The following ANO4 variants were observed in gnomAD, a reference collection of about 807,000 sequenced individuals.
The protein encoded by ANO4 is anoctamin 4.
A neutral mutation model predicts 141.9 loss-of-function variants in ANO4; 69 were observed. That is an observed-to-expected ratio of 0.49 (90% CI 0.40 to 0.59). ANO4 has a LOEUF of 0.59. ANO4 is among the 20% of genes least tolerant of loss of function. The pLI is 0.00. For missense variants in ANO4, 894 were observed against 1,162.2 expected (o/e 0.77, Z 3.36); for synonymous variants, 350 against 394.3 (o/e 0.89, Z 1.33).
chr12:100,724,934 T>C (rs948807812), intron 1 of ANO4, among the ~76,000 whole-genome samples: 8 of 152,230 alleles, frequency 5.3e-5, no homozygotes, highest in African/African-American at 1.4e-4. Flanking sequence ...TACTAGTCGG[T>C]TCTTTAGAAC....
chr12:101,111,677 G>A lies in ANO4; in HGVS notation c.2417G>A (p.Gly806Glu). 2 of 1,608,524 alleles carry A rather than the reference G, an allele frequency of 1.2e-6. No individual in the cohort carries two copies. The highest frequency in any genetic ancestry group is 1.7e-6 in the Non-Finnish European group (2 of 1,177,840). ...IPRLVYAYKY[G>E]PCAGQGEAGQ... is the part of the protein sequence containing the mutation. The stretch of plus-strand genomic sequence containing the variant: ...CGCTTGGTGTATGCTTATAAGTATG[G>A]ACCTTGTGCAGGCCAAGGAGAAGCT... The change falls in exon 24 of 28, where the codon GGA becomes GAA. Residue 806 changes from glycine to glutamate, a missense_variant. This residue lies in a region of ANO4 where 637 missense variants were observed against 909.2 expected (regional missense o/e 0.70). Coordinates refer to ENST00000392977, the MANE Select transcript of ANO4 (RefSeq NM_001286615.2).
chr12:101,075,988 A>G (rs1273482056), intron 14 of ANO4, among the ~76,000 whole-genome samples: 1 of 152,166 alleles, frequency 6.6e-6, no homozygotes, highest in Non-Finnish European at 1.5e-5. Context: ...TCTTCCTCAA[A>G]TGAATGGGCA....
chr12:100,755,390 CA>C (rs1232705553), intron 3 of ANO4, among the ~76,000 whole-genome samples: 1 of 152,170 alleles, frequency 6.6e-6, no homozygotes, highest in Admixed American at 6.5e-5. Flanking sequence ...GCACCTTATT[CA>C]GATGATTAGC....
intron 1 of ANO4, among the ~76,000 whole-genome samples, chr12:100,796,972 A>G (rs2034366350): frequency 6.6e-6 from 1 of 152,202 alleles, no homozygotes; most frequent in African/African-American, 2.4e-5. Context: ...CACTGCAGGC[A>G]ATTTCAGAAT....
chr12:100,956,304 T>G (rs144984353), intron 5 of ANO4, among the ~76,000 whole-genome samples: 71 of 152,378 alleles, frequency 4.7e-4, no homozygotes, highest in African/African-American at 1.5e-3. Context: ...GTGGTGTTAC[T>G]GCTCACTAGA....
chr12:100,814,383 C>G (rs1418010214), intron 1 of ANO4, among the ~76,000 whole-genome samples: 1 of 151,994 alleles, frequency 6.6e-6, no homozygotes, highest in Non-Finnish European at 1.5e-5. Context: ...CGTGAATGTT[C>G]CTATGTTTTT....
intron 19 of ANO4, among the ~76,000 whole-genome samples, 170 bp downstream of exon 19, chr12:101,096,817 A>G (rs1336557375): frequency 6.6e-6 from 1 of 152,176 alleles, no homozygotes; most frequent in Non-Finnish European, 1.5e-5. Flanking sequence ...CTGGCATCCC[A>G]GGGAAATCAT....
At chr12:100,966,296 C>T (rs956221731) in intron 5 of ANO4, among the ~76,000 whole-genome samples, 14 of 152,120 alleles carry the variant, frequency 9.2e-5, no homozygotes, top group African/African-American at 2.9e-4. Context: ...CCATTTAATA[C>T]GATTCAATAA....
At chr12:100,761,835 T>TCTTC (rs1356913887) in intron 3 of ANO4, among the ~76,000 whole-genome samples, 1 of 152,108 alleles carries the variant, frequency 6.6e-6, no homozygotes, top group Non-Finnish European at 1.5e-5. Flanking sequence ...ACAATTCTAG[T>TCTTC]CTTCTTTCCC....
chr12:100,908,628 C>T (rs890200141), intron 2 of ANO4, among the ~76,000 whole-genome samples: 3 of 152,170 alleles, frequency 2.0e-5, no homozygotes, highest in Admixed American at 6.5e-5. Flanking sequence ...ACAAATGCAT[C>T]ATAGTTCTCT....
At chr12:100,894,713 C>T (rs569540083) in intron 1 of ANO4, among the ~76,000 whole-genome samples, 5 of 152,140 alleles carry the variant, frequency 3.3e-5, no homozygotes, top group Non-Finnish European at 5.9e-5. Context: ...TAGAAAAGCT[C>T]CAGAAAACTT....
intron 14 of ANO4, among the ~76,000 whole-genome samples, chr12:101,055,045 T>C (rs1054915137): frequency 7.2e-5 from 11 of 152,248 alleles, no homozygotes; most frequent in African/African-American, 2.4e-4. Flanking sequence ...GGCTATGTCA[T>C]AATTTGTTCG....
chr12:100,789,903 T>A (rs1204874918), upstream of ANO4, among the ~76,000 whole-genome samples: 1 of 152,138 alleles, frequency 6.6e-6, no homozygotes, highest in African/African-American at 2.4e-5. Flanking sequence ...AGGTACTAAT[T>A]TAGCACAGTG....
chr12:100,749,522 C>G (rs75175864), intron 3 of ANO4, among the ~76,000 whole-genome samples: 2 of 152,150 alleles, frequency 1.3e-5, no homozygotes, highest in Non-Finnish European at 2.9e-5. Context: ...ATTATCGATT[C>G]CAGCGGAGTC....
intron 7 of ANO4, among the ~76,000 whole-genome samples, chr12:100,986,794 G>A (rs1346492921): frequency 2.0e-5 from 3 of 152,118 alleles, no homozygotes; most frequent in Non-Finnish European, 4.4e-5. Context: ...TGTTCACTTG[G>A]AAGCCAGATG....
At chr12:100,748,002 GC>G (rs1290336085) in intron 3 of ANO4, among the ~76,000 whole-genome samples, 1 of 152,152 alleles carries the variant, frequency 6.6e-6, no homozygotes, top group Non-Finnish European at 1.5e-5. Flanking sequence ...CAGGAGTCTA[GC>G]TTTTACCTGT....
intron 5 of ANO4, among the ~76,000 whole-genome samples, chr12:100,945,289 A>G (rs192173003): frequency 2.0e-5 from 3 of 152,366 alleles, no homozygotes; most frequent in Admixed American, 2.0e-4. Context: ...TTAATTCATG[A>G]TAAAAGTGAG....
intron 1 of ANO4, among the ~76,000 whole-genome samples, chr12:100,885,212 C>T (rs2135969326): frequency 6.6e-6 from 1 of 152,332 alleles, no homozygotes; most frequent in Middle Eastern, 3.4e-3. Flanking sequence ...CTGTTAGTCC[C>T]ATGTAAGGTG....
chr12:100,910,250 A>G (rs908723309), intron 2 of ANO4, among the ~76,000 whole-genome samples: 1 of 152,196 alleles, frequency 6.6e-6, no homozygotes, highest in East Asian at 1.9e-4. Flanking sequence ...TGTCACCAAC[A>G]TGATAAGCAA....
Sources: allele counts gnomAD v4.1 joint callset (sites outside exome capture counted in the v4.1 genomes callset), GRCh38; gene constraint gnomAD v4.1.1; regional missense constraint gnomAD v4.1.1; transcripts MANE v1.5; gene names NCBI Gene and HGNC (gene_info 2026-07-23, HGNC 2026-07-21).